Variants in DCN observed in about 807,000 individuals in gnomAD.
DCN encodes the protein bone proteoglycan II.
Under a neutral mutation model 36.5 loss-of-function variants are expected in DCN, and 17 were observed. The ratio of observed to expected loss-of-function variants is 0.47; its 90% CI spans 0.32 to 0.70. DCN has a LOEUF of 0.70. Ranked by LOEUF, DCN falls within the 30% of genes least tolerant of loss-of-function variation. The pLI, the probability that DCN is intolerant of heterozygous loss-of-function variation, is 0.04. For synonymous variants in DCN, 163 were observed against 161.4 expected, an observed-to-expected ratio of 1.01 and a Z score of -0.07; for missense variants, 389 against 430.1, an observed-to-expected ratio of 0.90 and a Z score of 0.84.
intron 7 of DCN, among the ~76,000 whole-genome samples, chr12:91,150,105 CTT>C (rs1316067341): frequency 6.6e-6 from 1 of 151,728 alleles, no homozygotes; most frequent in Non-Finnish European, 1.5e-5. Context: ...GCCAAAATAA[CTT>C]TGAAAAAAAA....
chr12:91,163,865 A>T (rs374704170), intron 3 of DCN, among the ~76,000 whole-genome samples: 1 of 152,122 alleles, frequency 6.6e-6, no homozygotes, highest in African/African-American at 2.4e-5. Context: ...AACAAAAGAA[A>T]CAAAGAAATA....
chr12:91,173,453 A>C (rs185892266), intron 2 of DCN, among the ~76,000 whole-genome samples: 3 of 152,174 alleles, frequency 2.0e-5, no homozygotes, highest in Admixed American at 2.0e-4. Context: ...CTCCATCTTT[A>C]ACCCCTGGAT....
At chr12:91,158,549 C>T (rs1301358429) in intron 3 of DCN, 40 bp from the exon 4 acceptor site, 2 of 1,024,706 alleles carry the variant, frequency 2.0e-6, no homozygotes, top group Non-Finnish European at 1.6e-6. Flanking sequence ...AAATCCAAAA[C>T]CTTCCACATA....
intron 2 of DCN, among the ~76,000 whole-genome samples, chr12:91,165,819 C>T (rs138294967): frequency 2.6e-5 from 4 of 152,138 alleles, no homozygotes; most frequent in African/African-American, 9.6e-5. Flanking sequence ...TTCAACAAGC[C>T]TTTATTGAAT....
At chr12:91,178,687 A>T in intron 1 of DCN, 102 bp from the exon 2 acceptor site, 2 of 745,026 alleles carry the variant, frequency 2.7e-6, no homozygotes, top group South Asian at 3.0e-5. Flanking sequence ...GAAAAGATGC[A>T]AAATAATATT....
intron 2 of DCN, chr12:91,175,931 A>G (rs1883263233): frequency 6.6e-6 from 1 of 151,798 alleles, no homozygotes; most frequent in African/African-American, 2.4e-5. Context: ...TAATTTTAAC[A>G]CTGCATGAAG....
chr12:91,151,850 C>G, intron 6 of DCN, 58 bp from the exon 7 acceptor site: 1 of 1,602,590 alleles, frequency 6.2e-7, no homozygotes, highest in Non-Finnish European at 8.5e-7. Flanking sequence ...TTCTTACAAG[C>G]ATTGTGTAGT....
rs149854601 is a variant in DCN at position 91,144,647 on chromosome 12, C to A, written c.*1411G>T. On this transcript the variant is annotated 3_prime_UTR_variant, in exon 8 of 8. Transcript: ENST00000052754. ...GAAGAAAAATAGTTTGATTAAGCCT[C>A]CTTTATGCCAACCTGTCAGAGGTGT... 6.6e-6 allele frequency: 1 copy of A among 152,084 alleles called. No homozygotes were observed. Among genetic ancestry groups the A allele is most frequent in the African/African-American group, 2.4e-5 (1 of 41,396 alleles). 9.4% of individuals were successfully genotyped at this position (152,084 alleles called of 1,614,324 possible).
rs923207137 is a variant in DCN at position 91,144,202 on chromosome 12, A to C, written c.*1856T>G. 2.6e-5 allele frequency: 4 copies of C among 152,202 alleles called. No individual in the cohort carries two copies. Among genetic ancestry groups the C allele is most frequent in the African/African-American group, 9.6e-5 (4 of 41,452 alleles). The allele number at this position is 152,202 out of a possible 1,614,324, so 9.4% of individuals were successfully genotyped here. A position where few individuals can be genotyped will look rare whatever the true frequency, so the allele number is the denominator to read the frequency against. On this transcript the variant is annotated 3_prime_UTR_variant, in exon 8 of 8. Transcript: ENST00000052754. ...AAGGCTACAACATGAAGGGTGCGTC[A>C]CTCAAGGCTACACCATAAAGGGTGA...
At chr12:91,174,354 CTAAA>C (rs1485392017) in intron 2 of DCN, among the ~76,000 whole-genome samples, 1 of 151,808 alleles carries the variant, frequency 6.6e-6, no homozygotes, top group Non-Finnish European at 1.5e-5. Context: ...TAATAAGACT[CTAAA>C]TAAGTCTCTA....
At chr12:91,166,674 T>C (rs553390707) in intron 2 of DCN, among the ~76,000 whole-genome samples, 13 of 151,612 alleles carry the variant, frequency 8.6e-5, no homozygotes, top group African/African-American at 3.1e-4. Context: ...GAAAGAATGA[T>C]GTGTCTGGAT....
intron 5 of DCN, among the ~76,000 whole-genome samples, chr12:91,155,776 T>TA (rs1464132462): frequency 2.0e-5 from 3 of 152,160 alleles, no homozygotes; most frequent in African/African-American, 7.2e-5. Flanking sequence ...TTATGAATTA[T>TA]AAATCAGTCT....
At chr12:91,168,621 A>T (rs1048528508) in intron 2 of DCN, among the ~76,000 whole-genome samples, 1 of 152,196 alleles carries the variant, frequency 6.6e-6, no homozygotes, top group Non-Finnish European at 1.5e-5. Flanking sequence ...CTTTGAGATC[A>T]TTTCTGCCAT....
rs751392337 is a variant in DCN at position 91,146,188 on chromosome 12, T to G, written c.950A>C (p.His317Pro). Residue 317 changes from histidine to proline, a missense_variant, in exon 8 of 8, where the codon CAC becomes CCC. Physicochemically the swap from His to Pro is moderately conservative, Grantham distance 77. Transcript: ENST00000052754. Reference sequence around the variant, plus strand: ...CGAATAAGAAGCCTTTTTGGTGTTGTGTCCAGGTGGGCAGAAGTCACTTGA... The same window carrying G: ...CGAATAAGAAGCCTTTTTGGTGTTGGGTCCAGGTGGGCAGAAGTCACTTGA... The part of the protein sequence containing the change: ...VGSSDFCPPG[H>P]NTKKASYSGV... 3 of 1,613,698 alleles carry G rather than the reference T, an allele frequency of 1.9e-6. No individual in the cohort carries two copies. In the Admixed American group the frequency reaches 5.0e-5, roughly 27 times the overall value.
intron 2 of DCN, among the ~76,000 whole-genome samples, chr12:91,166,902 G>A (rs1171045105): frequency 6.6e-6 from 1 of 151,910 alleles, no homozygotes; most frequent in East Asian, 1.9e-4. Flanking sequence ...TTATTGGGGG[G>A]ATTTCACATA....
chr12:91,159,457 G>T, intron 3 of DCN, among the ~76,000 whole-genome samples: 1 of 151,648 alleles, frequency 6.6e-6, no homozygotes, highest in African/African-American at 2.4e-5. Flanking sequence ...GTATTTTTTG[G>T]AGAGAGGAGA....
intron 7 of DCN, among the ~76,000 whole-genome samples, chr12:91,148,701 C>G (rs1881202077): frequency 9.0e-6 from 1 of 110,764 alleles, no homozygotes; most frequent in African/African-American, 3.7e-5. Context: ...GCCTAGGTGA[C>G]AGAGCGAGAC....
rs1880753463 is a variant in DCN, at chr12:91,141,456, C to T, written c.*4602G>A. The T allele has an allele frequency of 6.6e-6, 1 of 152,018 alleles. No individual in the cohort carries two copies. The highest frequency in any genetic ancestry group is 2.4e-5 in the African/African-American group (1 of 41,358). 9.4% of individuals were successfully genotyped at this position (152,018 alleles called of 1,614,324 possible). On this transcript the variant is annotated 3_prime_UTR_variant, in exon 8 of 8. Coordinates refer to ENST00000052754, the MANE Select transcript of DCN (RefSeq NM_001920.5). The stretch of plus-strand genomic sequence containing the variant: ...ATAAAATAGCAAGTCTCACCCCCTT[C>T]ACATCCCTTATTCCCCAGTTCTGCT...
In DCN at chr12:91,177,309, A is replaced by G. The variant is rs3138172; in HGVS notation, c.211+1033T>C. 7.2e-3 allele frequency: 3,358 copies of G among 468,334 alleles called. 90 individuals are homozygous for G. The highest frequency in any genetic ancestry group is 0.058 in the African/African-American group (2,896 of 50,100). The allele number at this position is 468,334 out of a possible 1,614,324, so 29.0% of individuals were successfully genotyped here. The stretch of plus-strand genomic sequence containing the variant: ...GGGTTCCTATAGGCAGTTTATTCCA[A>G]TTGTAGAAGTTGCATTTTTCTTCTG... On this transcript the variant is annotated intron_variant, in intron 2 of 7. Coordinates refer to ENST00000052754, the MANE Select transcript of DCN (RefSeq NM_001920.5).
Sources: gnomAD v4.1 joint callset for allele counts (sites outside exome capture counted in the v4.1 genomes callset) on GRCh38, gnomAD v4.1.1 for gene constraint, MANE v1.5 for transcripts, NCBI Gene and HGNC (gene_info 2026-07-23, HGNC 2026-07-21) for gene names.